Variants in GPC6 observed in about 807,000 individuals in gnomAD.
The protein encoded by GPC6 is glypican 6.
Under a neutral mutation model 55.2 loss-of-function variants are expected in GPC6, and 14 were observed. The observed-to-expected ratio is 0.25, with a 90% confidence interval of 0.17 to 0.40. The LOEUF is 0.40. Among genes scored for constraint, GPC6 ranks in the 10% least tolerant of loss-of-function variants. GPC6 has a pLI of 1.00. For missense variants in GPC6, 641 were observed against 708.5 expected (o/e 0.90, Z 1.08); for synonymous variants, 278 against 259.6 (o/e 1.07, Z -0.68).
chr13:93,400,228 T>C (rs1876017507), intron 1 of GPC6, among the ~76,000 whole-genome samples: 1 of 152,014 alleles, frequency 6.6e-6, no homozygotes, highest in Non-Finnish European at 1.5e-5. Context: ...TTTACCGTCT[T>C]CCTTTCCTTT....
rs540358452 is a variant in GPC6 at position 94,108,039 on chromosome 13, A to G, written c.877+80145A>G. 1.5e-4 allele frequency among the ~76,000 whole-genome samples: 23 copies of G among 152,270 alleles called. No individual in the cohort carries two copies. The South Asian group carries it at 2.3e-3, about 15-fold the overall frequency. The stretch of plus-strand genomic sequence containing the variant: ...TGATCCAGCAATCTCACTTCTGGGT[A>G]TCTACCCAGAAGAAAATAAGTCATT... On this transcript the variant is annotated intron_variant, in intron 4 of 8. Coordinates refer to ENST00000377047, the MANE Select transcript of GPC6 (RefSeq NM_005708.5).
intron 1 of GPC6, among the ~76,000 whole-genome samples, chr13:93,231,399 A>ATATATATATATG (rs1876044233): frequency 6.0e-5 from 2 of 33,228 alleles, no homozygotes; most frequent in African/African-American, 3.4e-4. Flanking sequence ...ATATATATGT[A>ATATATATATATG]TATATATATA....
intron 4 of GPC6, among the ~76,000 whole-genome samples, chr13:94,137,296 T>C (rs537485315): frequency 6.6e-6 from 1 of 151,582 alleles, no homozygotes; most frequent in South Asian, 2.1e-4. Flanking sequence ...GCCAAAGGAG[T>C]GGATAAGCTG....
At chr13:94,091,897 T>G (rs1885493708) in intron 4 of GPC6, among the ~76,000 whole-genome samples, 1 of 77,084 alleles carries the variant, frequency 1.3e-5, no homozygotes, top group South Asian at 6.8e-4. Context: ...TCAAATTCTG[T>G]GTGTGTGTGT....
rs1881333616 is a variant in GPC6, at chr13:94,405,555, C to T, written c.*2338C>T. ...TCTTTTATGAACTAGATCAGGATGC[C>T]TTGTTTTTCCTGTGCTTTCACCCCC... On this transcript the variant is annotated 3_prime_UTR_variant, in exon 9 of 9. Coordinates refer to ENST00000377047, the MANE Select transcript of GPC6 (RefSeq NM_005708.5). The T allele has an allele frequency of 6.6e-6, 1 of 152,064 alleles. No homozygotes were observed. The highest frequency in any genetic ancestry group is 2.1e-4 in the South Asian group (1 of 4,822). The allele number at this position is 152,064 out of a possible 1,614,324, so 9.4% of individuals were successfully genotyped here.
At chr13:93,254,840 G>A (rs536380074) in intron 1 of GPC6, among the ~76,000 whole-genome samples, 32 of 152,138 alleles carry the variant, frequency 2.1e-4, no homozygotes, top group Non-Finnish European at 4.1e-4. Context: ...AAAAAAAGCA[G>A]GAAGGCAGAC....
Position 93,688,360 on chromosome 13 carries a change from T to C in GPC6, c.320-141794T>C, listed in dbSNP as rs184510625. On this transcript the variant is annotated intron_variant, in intron 2 of 8. Coordinates refer to ENST00000377047, the MANE Select transcript of GPC6 (RefSeq NM_005708.5). ...TTTAACTATTGTAAAAGTCAGGGAGTTTTGGCTGTTCCTTAAAAAGTTAAA... is the reference window on the plus strand; with the variant it reads ...TTTAACTATTGTAAAAGTCAGGGAGCTTTGGCTGTTCCTTAAAAAGTTAAA... Among the ~76,000 whole-genome samples the C allele has an allele frequency of 2.8e-3, 431 of 152,086 alleles. 3 individuals are homozygous for C. Among genetic ancestry groups the C allele is most frequent in the Middle Eastern group, 6.8e-3 (2 of 294 alleles).
intron 2 of GPC6, among the ~76,000 whole-genome samples, chr13:93,645,970 T>G (rs1174633797): frequency 6.6e-6 from 1 of 152,054 alleles, no homozygotes; most frequent in Admixed American, 6.6e-5. Flanking sequence ...GAAAAGGCGC[T>G]CGACAGTACT....
chr13:93,799,823 G>A (rs1253245640), intron 2 of GPC6, among the ~76,000 whole-genome samples: 1 of 152,130 alleles, frequency 6.6e-6, no homozygotes, highest in Non-Finnish European at 1.5e-5. Context: ...CTGGGCACTG[G>A]GGCAGGTAGT....
chr13:94,187,621 C>T (rs1481837733), intron 4 of GPC6, among the ~76,000 whole-genome samples: 1 of 152,152 alleles, frequency 6.6e-6, no homozygotes, highest in African/African-American at 2.4e-5. Context: ...TCAACAAATA[C>T]TTATAGAGTG....
At position 93,878,905 on chromosome 13, in the gene GPC6, G is replaced by A. The variant is rs1481091563; in HGVS notation, c.711+48360G>A. On this transcript the variant is annotated intron_variant, in intron 3 of 8. Transcript: ENST00000377047. ...AAGAGAGGCAGGGATACAGTTTTGG[G>A]TAAAGATATATTTAGAAGAGCAAGA... Among the ~76,000 whole-genome samples the A allele has an allele frequency of 2.6e-5, 4 of 152,030 alleles. No individual in the cohort carries two copies. In the East Asian group the frequency reaches 7.8e-4, roughly 29 times the overall value.
chr13:93,338,603 A>G (rs1389546840), intron 1 of GPC6, among the ~76,000 whole-genome samples: 3 of 152,178 alleles, frequency 2.0e-5, no homozygotes, highest in African/African-American at 7.2e-5. Context: ...GAGAAGAAAA[A>G]TGTGGTACTT....
chr13:94,110,386 A>G (rs1886201557), intron 4 of GPC6, among the ~76,000 whole-genome samples: 1 of 152,110 alleles, frequency 6.6e-6, no homozygotes, highest in Non-Finnish European at 1.5e-5. Context: ...CTTAATTTAG[A>G]AAAACCTATC....
chr13:93,552,268 C>T (rs1030617921), intron 2 of GPC6, among the ~76,000 whole-genome samples: 27 of 152,156 alleles, frequency 1.8e-4, no homozygotes, highest in Non-Finnish European at 3.5e-4. Context: ...TAAAAATCGT[C>T]CAATTAGAGA....
At chr13:93,760,542 G>C (rs749117628) in intron 2 of GPC6, among the ~76,000 whole-genome samples, 1 of 152,098 alleles carries the variant, frequency 6.6e-6, no homozygotes, top group Non-Finnish European at 1.5e-5. Context: ...ACAGGATCAG[G>C]GTGGACTAAT....
rs141500976 is a variant in GPC6, at chr13:93,940,413, AATGGATGG to A, written c.712-87288_712-87281del. 9.5e-4 allele frequency among the ~76,000 whole-genome samples: 143 copies of A among 150,044 alleles called. 1 individual carries two copies. Among genetic ancestry groups the A allele is most frequent in the South Asian group, 5.7e-3 (27 of 4,716 alleles). On this transcript the variant is annotated intron_variant, in intron 3 of 8. Transcript: ENST00000377047. ...GGACGGTTGGATGAATGGATGGATG[AATGGATGG>A]ATGGATGGATGGATGGATGGATGGA...
chr13:93,693,137 G>A (rs1000532526), intron 2 of GPC6, among the ~76,000 whole-genome samples: 18 of 152,114 alleles, frequency 1.2e-4, no homozygotes, highest in African/African-American at 3.6e-4. Flanking sequence ...GGTGTACATT[G>A]TTGGGCTAAT....
intron 6 of GPC6, among the ~76,000 whole-genome samples, chr13:94,364,328 A>G (rs1879194701): frequency 6.6e-6 from 1 of 152,170 alleles, no homozygotes; most frequent in African/African-American, 2.4e-5. Flanking sequence ...AAGCAGAGTA[A>G]ATCGTACTCC....
chr13:93,584,971 T>C (rs1269457450), intron 2 of GPC6, among the ~76,000 whole-genome samples: 1 of 152,190 alleles, frequency 6.6e-6, no homozygotes, highest in East Asian at 1.9e-4. Context: ...ATTACAGGCA[T>C]GAGCCACTGT....
Sources: allele counts gnomAD v4.1 joint callset (sites outside exome capture counted in the v4.1 genomes callset), GRCh38; gene constraint gnomAD v4.1.1; transcripts MANE v1.5; gene names NCBI Gene and HGNC (gene_info 2026-07-23, HGNC 2026-07-21).